LACTBL1: variants seen among roughly 807,000 people sequenced by gnomAD.
LACTBL1 encodes lactamase beta like 1, also known as beta-lactamase-like protein 1.
In LACTBL1, 29 loss-of-function variants were observed where a neutral mutation model predicts 39.6. The ratio of observed to expected loss-of-function variants is 0.73; its 90% CI spans 0.55 to 1.00. LACTBL1 has a LOEUF of 1.00. Among genes scored for constraint, LACTBL1 ranks in the 50% least tolerant of loss-of-function variants. The pLI is 0.00. For synonymous variants in LACTBL1, 361 were observed against 360.7 expected (o/e 1.00, Z -0.01); for missense variants, 711 against 748.5 (o/e 0.95, Z 0.59).
At chr1:22,956,405 A>AGGAAGGAGCCCCAGTTCTGTGTG (rs1256794817) in intron 4 of LACTBL1, among the ~76,000 whole-genome samples, 10 of 152,032 alleles carry the variant, frequency 6.6e-5, no homozygotes, top group Non-Finnish European at 1.3e-4. Context: ...GAGGAGGAGG[A>AGGAAGGAGCCCCAGTTCTGTGTG]GGAAGGAGCC....
At chr1:22,962,563 C>A (rs912701275) in intron 2 of LACTBL1, among the ~76,000 whole-genome samples, 1 of 152,144 alleles carries the variant, frequency 6.6e-6, no homozygotes, top group Non-Finnish European at 1.5e-5. Context: ...GTGGCCTCTG[C>A]AATGTGGGCT....
At chr1:22,954,196 A>C (rs549810940) in intron 5 of LACTBL1, among the ~76,000 whole-genome samples, 172 bp from the exon 8 acceptor site, 2 of 152,312 alleles carry the variant, frequency 1.3e-5, no homozygotes, top group Admixed American at 6.5e-5. Context: ...ACTCTCTTCT[A>C]CATCTGGGAA....
At chr1:22,962,917 T>A (rs1004452804) in intron 2 of LACTBL1, among the ~76,000 whole-genome samples, 190 bp downstream of exon 4, 27 of 152,380 alleles carry the variant, frequency 1.8e-4, no homozygotes, top group Admixed American at 1.7e-3. Flanking sequence ...TCCAGATTAG[T>A]AATTTCTTGA....
At chr1:22,953,862 G>T (rs1557769388) in exon 6 of LACTBL1, 1 of 1,548,800 alleles carries the variant, frequency 6.5e-7, no homozygotes, top group Non-Finnish European at 8.7e-7. Flanking sequence ...AGAAGCCCGC[G>T]GCCAGGCGCG....
At chr1:22,954,049 G>T in intron 5 of LACTBL1, 25 bp from the exon 8 acceptor site, 3 of 1,500,208 alleles carry the variant, frequency 2.0e-6, no homozygotes, top group Non-Finnish European at 2.7e-6. Flanking sequence ...GTGGCAAGTG[G>T]GACGGGGCCC....
At chr1:22,956,075 A>G (rs1034452259) in intron 4 of LACTBL1, among the ~76,000 whole-genome samples, 5 of 150,316 alleles carry the variant, frequency 3.3e-5, no homozygotes, top group Non-Finnish European at 7.4e-5. Context: ...AAAAAAAAAA[A>G]AAAAAAAAGA....
chr1:22,954,468 C>A (rs1316605418), intron 5 of LACTBL1, among the ~76,000 whole-genome samples: 1 of 152,210 alleles, frequency 6.6e-6, no homozygotes, highest in Non-Finnish European at 1.5e-5. Flanking sequence ...CAGCAAGAGG[C>A]CTCTTTTCTT....
exon 6 of LACTBL1, chr1:22,953,364 G>C (rs1355745640): frequency 8.1e-6 from 10 of 1,228,298 alleles, no homozygotes; most frequent in Admixed American, 4.2e-5. Flanking sequence ...GCACCTCGTA[G>C]AAGGTCAGGT....
At chr1:22,964,789 C>T (rs1640860647) in intron 1 of LACTBL1, among the ~76,000 whole-genome samples, 1 of 152,188 alleles carries the variant, frequency 6.6e-6, no homozygotes, top group Non-Finnish European at 1.5e-5. Context: ...AAACAAAGGG[C>T]CTGGTAGTTA....
At chr1:22,956,193 C>T (rs1640760096) in intron 4 of LACTBL1, among the ~76,000 whole-genome samples, 1 of 151,876 alleles carries the variant, frequency 6.6e-6, no homozygotes, top group Non-Finnish European at 1.5e-5. Flanking sequence ...GGCACCATAG[C>T]AAGACCCTAT....
chr1:22,972,864 A>G, the LACTBL1 span: 1 of 985,306 alleles, frequency 1.0e-6, no homozygotes, highest in Non-Finnish European at 1.2e-6. Flanking sequence ...AGAGGACAGG[A>G]ATGGCTTCCT....
At chr1:22,972,378 C>A in the LACTBL1 span, 12 of 985,076 alleles carry the variant, frequency 1.2e-5, no homozygotes, top group South Asian at 5.2e-4. Context: ...ACAGGAGATC[C>A]CGTAAGCAGG....
chr1:22,954,426 C>CCTT (rs573568182), intron 5 of LACTBL1, among the ~76,000 whole-genome samples: 20 of 152,316 alleles, frequency 1.3e-4, no homozygotes, highest in African/African-American at 4.3e-4. Flanking sequence ...CTCACCCCTC[C>CCTT]CTTCTTCCAG....
At chr1:22,969,580 C>T (rs1008164694), upstream of LACTBL1, among the ~76,000 whole-genome samples, 5 of 152,150 alleles carry the variant, frequency 3.3e-5, no homozygotes, top group Admixed American at 6.5e-5. Flanking sequence ...CCGACTCCAG[C>T]GAACTCCGCC....
chr1:22,965,716 C>G (rs1196035735), upstream of LACTBL1, among the ~76,000 whole-genome samples: 1 of 152,176 alleles, frequency 6.6e-6, no homozygotes, highest in Non-Finnish European at 1.5e-5. Context: ...AAGCTTTCCT[C>G]AACTCTCCTG....
chr1:22,965,893 A>T (rs549813271), upstream of LACTBL1, among the ~76,000 whole-genome samples: 12 of 152,222 alleles, frequency 7.9e-5, no homozygotes, highest in Non-Finnish European at 1.3e-4. Context: ...GTCTAGATAG[A>T]CAACCCATAG....
At chr1:22,970,764 C>T in the LACTBL1 span, among the ~76,000 whole-genome samples, 5 of 142,700 alleles carry the variant, frequency 3.5e-5, no homozygotes, top group Non-Finnish European at 6.0e-5. Flanking sequence ...GAGCTATGAT[C>T]ATGCCACTGC....
At chr1:22,963,156 G>A (rs1184244838) in exon 2 of LACTBL1, 4 of 1,310,384 alleles carry the variant, frequency 3.1e-6, no homozygotes, top group Non-Finnish European at 3.9e-6. Context: ...CAGGGGCACG[G>A]GCTCAGGGTG....
In LACTBL1 at chr1:22,959,213, G is replaced by A. The variant is rs981289596; in HGVS notation, c.318-293C>T. ...TTGGATGGTGTCTCTGCCTCTCACT[G>A]GCCATGTGGCCTTAGGCAAGTTTCT... On this transcript the variant is annotated intron_variant, in intron 3 of 5. Coordinates refer to ENST00000426928, the Ensembl canonical transcript of LACTBL1. Among the ~76,000 whole-genome samples the A allele has an allele frequency of 6.6e-5, 10 of 152,194 alleles. No individual in the cohort carries two copies. The East Asian group carries it at 1.9e-3, about 29-fold the overall frequency.
Sources: allele counts gnomAD v4.1 joint callset (sites outside exome capture counted in the v4.1 genomes callset), GRCh38; gene constraint gnomAD v4.1.1; transcripts MANE v1.5; gene names NCBI Gene and HGNC (gene_info 2026-07-23, HGNC 2026-07-21).